Variants in MYZAP observed in about 807,000 individuals in gnomAD.
The protein encoded by MYZAP is GRINL1A complex locus upstream.
In MYZAP, 66 loss-of-function variants were observed where a neutral mutation model predicts 69.4. That is an observed-to-expected ratio of 0.95 (90% CI 0.78 to 1.17). The LOEUF is 1.17. Ranked by LOEUF, MYZAP falls within the 50% of genes most tolerant of loss-of-function variation. The pLI is 0.00. For missense variants in MYZAP, 611 were observed against 556.2 expected (o/e 1.10, Z -0.99); for synonymous variants, 256 against 205.9 (o/e 1.24, Z -2.09).
intron 1 of MYZAP, among the ~76,000 whole-genome samples, chr15:57,593,110 T>C (rs1175350894): frequency 6.6e-6 from 1 of 151,192 alleles, no homozygotes; most frequent in East Asian, 2.0e-4. Context: ...TGTGTTACTC[T>C]TGGGCATGGG....
chr15:57,619,340 A>T (rs920403515), intron 3 of MYZAP, among the ~76,000 whole-genome samples: 1 of 152,176 alleles, frequency 6.6e-6, no homozygotes, highest in Non-Finnish European at 1.5e-5. Context: ...TTCAAACATA[A>T]TTTTAAAAAT....
At chr15:57,651,620 C>T (rs559988334) in intron 10 of MYZAP, among the ~76,000 whole-genome samples, 10 of 152,094 alleles carry the variant, frequency 6.6e-5, no homozygotes, top group East Asian at 5.8e-4. Flanking sequence ...TTACTTGGGT[C>T]GTAATATCAG....
At chr15:57,609,925 A>G (rs1482156660) in intron 2 of MYZAP, among the ~76,000 whole-genome samples, 4 of 152,202 alleles carry the variant, frequency 2.6e-5, no homozygotes, top group African/African-American at 7.2e-5. Flanking sequence ...TGTGCAACAG[A>G]TTCCTATGTG....
rs188111223 is a variant in MYZAP at position 57,604,506 on chromosome 15, G to A, written c.162+151G>A. On this transcript the variant is annotated intron_variant, in intron 2 of 12. Transcript: ENST00000267853. ...TCTCAACCTTCCCACCTCATCTCCC[G>A]TCTTCCCAGAAGACAGAGAGCTCTC... 1,240 of 769,704 alleles carry A rather than the reference G, an allele frequency of 1.6e-3. 9 individuals carry two copies. Among genetic ancestry groups the A allele is most frequent in the African/African-American group, 7.6e-4 (43 of 56,818 alleles). 47.7% of individuals were successfully genotyped at this position (769,704 alleles called of 1,614,324 possible).
At chr15:57,620,815 T>C (rs2035758693) in intron 3 of MYZAP, among the ~76,000 whole-genome samples, 1 of 152,150 alleles carries the variant, frequency 6.6e-6, no homozygotes. Flanking sequence ...GCCATGAGTC[T>C]GTTAAAACAC....
rs190724458 is a variant in MYZAP at position 57,660,152 on chromosome 15, C to T, written c.1120-1298C>T. ...CTGTTTTGTGTTTCCTAAAATAACACATATCCTTTGTTCATATCATTTCAT... is the reference window on the plus strand; with the variant it reads ...CTGTTTTGTGTTTCCTAAAATAACATATATCCTTTGTTCATATCATTTCAT... On this transcript the variant is annotated intron_variant, in intron 10 of 12. Coordinates refer to ENST00000267853, the MANE Select transcript of MYZAP (RefSeq NM_001018100.5). Among the ~76,000 whole-genome samples the T allele has an allele frequency of 1.5e-3, 231 of 152,240 alleles. 3 individuals carry two copies. The highest frequency in any genetic ancestry group is 5.2e-3 in the African/African-American group (215 of 41,554).
intron 10 of MYZAP, among the ~76,000 whole-genome samples, chr15:57,651,323 T>C (rs2037716118): frequency 6.6e-6 from 1 of 152,210 alleles, no homozygotes. Context: ...TCTCTGAAAC[T>C]GAATTCATCG....
At chr15:57,618,662 T>C (rs1410692451) in intron 3 of MYZAP, among the ~76,000 whole-genome samples, 1 of 152,246 alleles carries the variant, frequency 6.6e-6, no homozygotes, top group Non-Finnish European at 1.5e-5. Context: ...TCCTATCTTT[T>C]AAGTTACATG....
intron 12 of MYZAP, among the ~76,000 whole-genome samples, chr15:57,676,923 C>T (rs544758016): frequency 3.3e-5 from 5 of 152,282 alleles, no homozygotes; most frequent in South Asian, 4.1e-4. Flanking sequence ...GGTTTCCCCC[C>T]GGATCCATCT....
chr15:57,668,885 TA>T, intron 11 of MYZAP, among the ~76,000 whole-genome samples: 1 of 127,378 alleles, frequency 7.9e-6, no homozygotes, highest in South Asian at 2.5e-4. Flanking sequence ...TATATATATA[TA>T]TATATATATT....
chr15:57,643,861 T>C (rs2037301997), intron 10 of MYZAP, among the ~76,000 whole-genome samples: 1 of 152,206 alleles, frequency 6.6e-6, no homozygotes, highest in African/African-American at 2.4e-5. Flanking sequence ...TCCAACAGGG[T>C]CTGAAGGGAG....
At chr15:57,617,768 G>A (rs997518602) in intron 2 of MYZAP, among the ~76,000 whole-genome samples, 1 of 152,204 alleles carries the variant, frequency 6.6e-6, no homozygotes, top group Non-Finnish European at 1.5e-5. Flanking sequence ...TGGTATCTTT[G>A]TGGGAATTAC....
intron 4 of MYZAP, among the ~76,000 whole-genome samples, chr15:57,622,153 G>A (rs1293973066): frequency 6.6e-6 from 1 of 151,996 alleles, no homozygotes; most frequent in East Asian, 1.9e-4. Flanking sequence ...ATTTGTAGCA[G>A]GGTATAAAAT....
intron 8 of MYZAP, among the ~76,000 whole-genome samples, chr15:57,636,967 T>C (rs34270510): frequency 0.72 from 109,375 of 152,110 alleles, 39,860 homozygotes; most frequent in East Asian, 0.87. Context: ...AGGGAATGCA[T>C]TTCCCTGCCT....
chr15:57,593,167 A>G (rs906401853), intron 1 of MYZAP, among the ~76,000 whole-genome samples: 1 of 60,898 alleles, frequency 1.6e-5, no homozygotes, highest in Non-Finnish European at 3.1e-5. Context: ...CTCACCAGAC[A>G]CTTAGGTTGT....
rs146826663 is a variant in MYZAP, at chr15:57,618,748, C to A, written c.318+560C>A. Among the ~76,000 whole-genome samples, 15 of 152,266 alleles carry A rather than the reference C, an allele frequency of 9.9e-5. 1 individual carries two copies. The East Asian group carries it at 2.9e-3, about 29-fold the overall frequency. ...AATCACTCATAATCTCACTATTCAT[C>A]CAGAGCAATTGTTAACATTTTGGAG... On this transcript the variant is annotated intron_variant, in intron 3 of 12. Transcript: ENST00000267853.
At chr15:57,629,504 C>G (rs540765539) in intron 5 of MYZAP, among the ~76,000 whole-genome samples, 198 bp from the exon 6 acceptor site, 1 of 152,272 alleles carries the variant, frequency 6.6e-6, no homozygotes, top group African/African-American at 2.4e-5. Flanking sequence ...TTCAGTCCCT[C>G]CAAGCTACAG....
At chr15:57,646,595 G>A (rs2037458328) in intron 10 of MYZAP, 2 of 998,238 alleles carry the variant, frequency 2.0e-6, no homozygotes, top group Admixed American at 1.2e-4. Flanking sequence ...TGGGAAGAGA[G>A]CTTGAAGAAT....
intron 1 of MYZAP, among the ~76,000 whole-genome samples, chr15:57,602,145 C>G (rs2034455194): frequency 6.6e-6 from 1 of 152,124 alleles, no homozygotes; most frequent in East Asian, 1.9e-4. Context: ...AAGAGGCCAC[C>G]CTGTGGACCA....
Sources: allele counts gnomAD v4.1 joint callset (sites outside exome capture counted in the v4.1 genomes callset), GRCh38; gene constraint gnomAD v4.1.1; transcripts MANE v1.5; gene names NCBI Gene and HGNC (gene_info 2026-07-23, HGNC 2026-07-21).